The following TRAPPC13 variants were observed in gnomAD, a reference collection of about 807,000 sequenced individuals.
TRAPPC13 encodes the protein REV7-interacting novel NHEJ regulator 1.
Under a neutral mutation model 54.0 loss-of-function variants are expected in TRAPPC13, and 39 were observed. That is an observed-to-expected ratio of 0.72 (90% CI 0.56 to 0.94). The LOEUF (loss-of-function observed/expected upper bound fraction) is 0.94. Ranked by LOEUF, TRAPPC13 falls within the 40% of genes least tolerant of loss-of-function variation. The probability of loss-of-function intolerance (pLI) is 0.00; values close to 1 mark genes in which losing one functional copy is unlikely to be tolerated. For missense variants in TRAPPC13, 386 were observed against 488.1 expected (o/e 0.79, Z 1.97); for synonymous variants, 148 against 167.7 (o/e 0.88, Z 0.91).
chr5:65,633,447 AT>A (rs1400123386), intron 1 of TRAPPC13, among the ~76,000 whole-genome samples: 1 of 151,680 alleles, frequency 6.6e-6, no homozygotes, highest in African/African-American at 2.4e-5. Context: ...TGCTAGGCTA[AT>A]TTTTTTTATT....
chr5:65,638,952 C>T (rs1372859790), intron 4 of TRAPPC13, among the ~76,000 whole-genome samples: 3 of 152,162 alleles, frequency 2.0e-5, no homozygotes, highest in African/African-American at 4.8e-5. Context: ...GGAGTGGTGG[C>T]GTGTGCTTGT....
intron 1 of TRAPPC13, among the ~76,000 whole-genome samples, chr5:65,627,334 A>C (rs912005661): frequency 6.9e-6 from 1 of 144,728 alleles, no homozygotes; most frequent in African/African-American, 2.4e-5. Flanking sequence ...TGGTCATTTA[A>C]GTTCACTTTA....
At chr5:65,633,977 GTTTTTTTTT>G (rs67982454) in intron 1 of TRAPPC13, among the ~76,000 whole-genome samples, 3 of 60,478 alleles carry the variant, frequency 5.0e-5, no homozygotes, top group East Asian at 1.0e-3. Flanking sequence ...CTCTCCCAGC[GTTTTTTTTT>G]TTTTTTTTTT....
At chr5:65,632,119 G>T (rs1025079992) in intron 1 of TRAPPC13, among the ~76,000 whole-genome samples, 1 of 151,758 alleles carries the variant, frequency 6.6e-6, no homozygotes, top group South Asian at 2.1e-4. Context: ...GGTGGCATGC[G>T]ACAGTAGTCG....
At chr5:65,660,990 T>G in intron 10 of TRAPPC13, 93 bp downstream of exon 10, 1 of 1,063,834 alleles carries the variant, frequency 9.4e-7, no homozygotes, top group Non-Finnish European at 1.3e-6. Flanking sequence ...AGTAAAAAAT[T>G]GGAGCACTAT....
At chr5:65,637,840 C>T (rs1439899142) in intron 4 of TRAPPC13, 60 bp downstream of exon 4, 4 of 964,610 alleles carry the variant, frequency 4.1e-6, no homozygotes, top group South Asian at 3.1e-5. Context: ...TTTTTTAGGC[C>T]GGGCATGGTG....
chr5:65,637,808 T>A (rs771244977), intron 4 of TRAPPC13, 28 bp downstream of exon 4: 1 of 1,410,508 alleles, frequency 7.1e-7, no homozygotes, highest in Non-Finnish European at 9.8e-7. Flanking sequence ...TTGGGATGTA[T>A]TTTAGTCTTT....
At chr5:65,636,795 G>A (rs190221672) in intron 3 of TRAPPC13, among the ~76,000 whole-genome samples, 1 of 152,162 alleles carries the variant, frequency 6.6e-6, no homozygotes, top group Non-Finnish European at 1.5e-5. Flanking sequence ...GAAGCCCCTG[G>A]TTCCACTCTG....
intron 9 of TRAPPC13, among the ~76,000 whole-genome samples, chr5:65,658,957 C>T (rs1236977567): frequency 6.6e-6 from 1 of 151,978 alleles, no homozygotes; most frequent in Non-Finnish European, 1.5e-5. Flanking sequence ...TGACCTCAAG[C>T]GATCTGCCCA....
Position 65,660,773 on chromosome 5 carries a change from A to G in TRAPPC13, c.773A>G (p.Lys258Arg). ...TRQYLYCLKP[K>R]NEFAEKAGII... is the part of the protein sequence containing the mutation. ...CAGTACTTATACTGCCTAAAGCCAA[A>G]GAATGAATTTGCAGAAAAAGCAGGC... Residue 258 changes from lysine to arginine, a missense_variant, in exon 10 of 13, where the codon AAG (lysine) becomes AGG (arginine). Coordinates refer to ENST00000399438, the MANE Select transcript of TRAPPC13 (RefSeq NM_024941.4). 2 of 1,613,796 alleles carry G rather than the reference A, an allele frequency of 1.2e-6. No individual in the cohort carries two copies. Among genetic ancestry groups the G allele is most frequent in the Non-Finnish European group, 1.7e-6 (2 of 1,179,764 alleles).
Position 65,658,499 on chromosome 5 carries a change from A to G in TRAPPC13, c.696A>G (p.Glu232=). Residue 232 remains glutamate, a splice_region_variant and synonymous_variant, in exon 9 of 13, where the codon GAA becomes GAG. Transcript: ENST00000399438. ...TAAATTCAGTCAGCCAAGCTGGAGA[A>G]TGGTAAATATTAATTTATGAAGTCT... ...TELNSVSQAG[E]CVSTFGSRAY... The G allele has an allele frequency of 6.4e-7, 1 of 1,558,912 alleles. No individual in the cohort carries two copies. Among genetic ancestry groups the G allele is most frequent in the Non-Finnish European group, 8.7e-7 (1 of 1,150,040 alleles).
chr5:65,653,430 G>C (rs991393758), intron 7 of TRAPPC13, among the ~76,000 whole-genome samples: 19 of 152,082 alleles, frequency 1.2e-4, no homozygotes, highest in Non-Finnish European at 2.8e-4. Flanking sequence ...TTTTTACTCA[G>C]TAAAATTTAT....
intron 1 of TRAPPC13, among the ~76,000 whole-genome samples, chr5:65,632,366 T>C (rs1412050440): frequency 6.6e-6 from 1 of 152,118 alleles, no homozygotes; most frequent in African/African-American, 2.4e-5. Flanking sequence ...TTTTCGTAGT[T>C]AAAAATAAGA....
chr5:65,652,418 CAAACTT>C (rs943005052), intron 6 of TRAPPC13, 77 bp from the exon 7 acceptor site: 1 of 845,954 alleles, frequency 1.2e-6, no homozygotes, highest in Non-Finnish European at 1.8e-6. Flanking sequence ...AAATGACTGA[CAAACTT>C]ACACTATTTG....
intron 5 of TRAPPC13, among the ~76,000 whole-genome samples, chr5:65,649,323 AAC>A (rs1459752342): frequency 6.6e-6 from 1 of 152,204 alleles, no homozygotes; most frequent in Non-Finnish European, 1.5e-5. Context: ...TGTTAAAAGT[AAC>A]ACAGAGATGA....
At chr5:65,639,136 T>C (rs979843642) in intron 4 of TRAPPC13, among the ~76,000 whole-genome samples, 3 of 151,976 alleles carry the variant, frequency 2.0e-5, no homozygotes, top group African/African-American at 7.3e-5. Context: ...TTATTCACCG[T>C]CATGAGAACA....
At chr5:65,662,804 C>T in intron 11 of TRAPPC13, 1 of 152,180 alleles carries the variant, frequency 6.6e-6, no homozygotes, top group African/African-American at 2.4e-5. Flanking sequence ...CATATTTATT[C>T]TTTTTGGTAT....
rs1756981858 is a variant in TRAPPC13 at position 65,664,864 on chromosome 5, T to A, written c.*253T>A. On this transcript the variant is annotated 3_prime_UTR_variant, in exon 13 of 13. Coordinates refer to ENST00000399438, the MANE Select transcript of TRAPPC13 (RefSeq NM_024941.4). ...TTCATTTTAGATGACCATTGGACTT[T>A]GTTCTCCAAAAGCTGTGTATCTGAG... 2 of 454,074 alleles carry A rather than the reference T, an allele frequency of 4.4e-6. No individual in the cohort carries two copies. Among genetic ancestry groups the A allele is most frequent in the Non-Finnish European group, 7.8e-6 (2 of 256,650 alleles). 28.1% of individuals were successfully genotyped at this position (454,074 alleles called of 1,614,324 possible).
At chr5:65,634,299 CT>C (rs779816637) in intron 1 of TRAPPC13, among the ~76,000 whole-genome samples, 2 of 152,066 alleles carry the variant, frequency 1.3e-5, no homozygotes, top group East Asian at 3.9e-4. Context: ...CCAGCAATTT[CT>C]TTATATAAGT....
Sources: gnomAD v4.1 joint callset for allele counts (sites outside exome capture counted in the v4.1 genomes callset) on GRCh38, gnomAD v4.1.1 for gene constraint, MANE v1.5 for transcripts, NCBI Gene and HGNC (gene_info 2026-07-23, HGNC 2026-07-21) for gene names.